MACC1: variants seen among roughly 807,000 people sequenced by gnomAD.
The protein encoded by MACC1 is MET transcriptional regulator MACC1.
MACC1 carries 79 observed loss-of-function variants against 70.7 expected under a neutral mutation model. That is an observed-to-expected ratio of 1.12 (90% CI 0.93 to 1.35). The LOEUF is 1.35. MACC1 is among the 40% of genes most tolerant of loss of function. The pLI is 0.00. For missense variants in MACC1, 1,106 were observed against 978.1 expected (o/e 1.13, Z -1.74); for synonymous variants, 361 against 347.2 (o/e 1.04, Z -0.44).
At chr7:20,199,870 T>A (rs912266833) in intron 1 of MACC1, among the ~76,000 whole-genome samples, 1 of 152,144 alleles carries the variant, frequency 6.6e-6, no homozygotes, top group Non-Finnish European at 1.5e-5. Context: ...AAATGTTCTA[T>A]AAAATGAATC....
At chr7:20,167,704 C>T (rs1782241510) in intron 2 of MACC1, among the ~76,000 whole-genome samples, 1 of 151,892 alleles carries the variant, frequency 6.6e-6, no homozygotes, top group Non-Finnish European at 1.5e-5. Context: ...CACCCTGACC[C>T]TGTTGCTGGA....
intron 1 of MACC1, among the ~76,000 whole-genome samples, chr7:20,177,137 G>C (rs1440537142): frequency 6.7e-6 from 1 of 150,130 alleles, no homozygotes; most frequent in African/African-American, 2.5e-5. Flanking sequence ...CTAGATGGAA[G>C]GTATATAGGA....
intron 1 of MACC1, among the ~76,000 whole-genome samples, chr7:20,205,475 C>T (rs902623683): frequency 6.6e-6 from 1 of 152,016 alleles, no homozygotes; most frequent in Non-Finnish European, 1.5e-5. Context: ...TTCCTAAAAC[C>T]ACTTCATCAC....
rs112850772 is a variant in MACC1, at chr7:20,169,887, C to T, written c.-153+827G>A. Among the ~76,000 whole-genome samples the T allele has an allele frequency of 6.3e-3, 961 of 152,328 alleles. 20 individuals carry two copies. The highest frequency in any genetic ancestry group is 0.022 in the African/African-American group (923 of 41,576). ...CACAAGAGGACCCCTTGCTTTTCCT[C>T]TGGTCTCTCCCTCCTGGTTATTCCA... On this transcript the variant is annotated intron_variant, in intron 2 of 6. Transcript: ENST00000400331.
intron 6 of MACC1, among the ~76,000 whole-genome samples, chr7:20,143,863 G>T (rs1019178159): frequency 1.3e-5 from 2 of 152,110 alleles, no homozygotes; most frequent in South Asian, 2.1e-4. Flanking sequence ...GCCCTAAACC[G>T]ATTTGAGACT....
Position 20,142,153 on chromosome 7 carries a change from GC to G in MACC1, c.2347-996del, listed in dbSNP as rs1010451164. 22 of 152,148 alleles carry G rather than the reference GC, an allele frequency of 1.4e-4. 1 individual carries two copies. Among genetic ancestry groups the G allele is most frequent in the Admixed American group, 8.5e-4 (13 of 15,266 alleles). 9.4% of individuals were successfully genotyped at this position (152,148 alleles called of 1,614,324 possible). A position where few individuals can be genotyped will look rare whatever the true frequency, so the allele number is the denominator to read the frequency against. ...TCCGAGCTAAATATCATGCAGAACT[GC>G]CCTTTTAAAGTAGAACCTCTATCAC... On this transcript the variant is annotated intron_variant, in intron 6 of 6. Transcript: ENST00000400331.
chr7:20,149,541 T>G (rs1358220363), intron 6 of MACC1, among the ~76,000 whole-genome samples: 1 of 152,194 alleles, frequency 6.6e-6, no homozygotes, highest in Non-Finnish European at 1.5e-5. Context: ...GCCCAAGGCT[T>G]GAGGGCTGAT....
intron 1 of MACC1, among the ~76,000 whole-genome samples, chr7:20,209,480 G>A (rs749627458): frequency 4.6e-5 from 7 of 152,222 alleles, no homozygotes; most frequent in East Asian, 1.9e-4. Context: ...GACTTGCATG[G>A]GGCCTAGAGC....
At chr7:20,151,437 T>C (rs1477749198) in intron 6 of MACC1, among the ~76,000 whole-genome samples, 2 of 152,260 alleles carry the variant, frequency 1.3e-5, no homozygotes, top group Non-Finnish European at 2.9e-5. Flanking sequence ...CTTTGTATAG[T>C]GTAAGTGCAT....
At chr7:20,189,576 C>T (rs1337495292) in intron 1 of MACC1, among the ~76,000 whole-genome samples, 1 of 152,114 alleles carries the variant, frequency 6.6e-6, no homozygotes, top group East Asian at 1.9e-4. Context: ...ACATAGTTTG[C>T]CTGAATGGCT....
At chr7:20,164,931 TG>T (rs1393536777) in intron 2 of MACC1, among the ~76,000 whole-genome samples, 5 of 151,586 alleles carry the variant, frequency 3.3e-5, no homozygotes. Flanking sequence ...ATGAGCAATA[TG>T]TACTGAGGAT....
At chr7:20,201,532 T>C (rs1782833389) in intron 1 of MACC1, among the ~76,000 whole-genome samples, 2 of 152,094 alleles carry the variant, frequency 1.3e-5, no homozygotes. Context: ...CATGACATAC[T>C]TATAACACAG....
At chr7:20,216,649 T>A (rs949623482) in intron 1 of MACC1, among the ~76,000 whole-genome samples, 1 of 152,200 alleles carries the variant, frequency 6.6e-6, no homozygotes. Flanking sequence ...AATTGAAACT[T>A]AATTAGGATG....
At chr7:20,188,258 C>A (rs186863276) in intron 1 of MACC1, among the ~76,000 whole-genome samples, 2 of 152,254 alleles carry the variant, frequency 1.3e-5, no homozygotes, top group African/African-American at 4.8e-5. Context: ...CACAGAACTT[C>A]AACCTGGTTC....
Position 20,141,084 on chromosome 7 carries a change from T to C in MACC1, c.2421A>G (p.Leu807=). Residue 807 remains leucine, a synonymous_variant, in exon 7 of 7, where the codon TTA becomes TTG. Coordinates refer to ENST00000400331, the MANE Select transcript of MACC1 (RefSeq NM_182762.4). ...TGTCCAAAGCTGACTGAAGGTCTTG[T>C]AACACATCTCTGTAGTTATTTCCAT... is the stretch of plus-strand genomic sequence containing the variant. The part of the protein sequence containing the change: ...AHYGNNYRDV[L]QDLQSALDRM... 1 of 1,613,766 alleles carries C rather than the reference T, an allele frequency of 6.2e-7. No homozygotes were observed. The highest frequency in any genetic ancestry group is 1.1e-5 in the South Asian group (1 of 91,062).
intron 1 of MACC1, among the ~76,000 whole-genome samples, chr7:20,202,510 G>A (rs989283461): frequency 7.2e-5 from 11 of 152,254 alleles, no homozygotes; most frequent in African/African-American, 2.6e-4. Context: ...ACCTGATCGA[G>A]CTTCTAAAAC....
intron 1 of MACC1, among the ~76,000 whole-genome samples, chr7:20,205,007 G>T (rs1487309420): frequency 6.6e-6 from 1 of 151,986 alleles, no homozygotes; most frequent in African/African-American, 2.4e-5. Flanking sequence ...AGATACCATG[G>T]TTATCAATGA....
intron 1 of MACC1, among the ~76,000 whole-genome samples, chr7:20,186,908 G>C (rs192443014): frequency 6.6e-6 from 1 of 152,114 alleles, no homozygotes; most frequent in African/African-American, 2.4e-5. Context: ...GGAGAGTATA[G>C]TAAGAAGAAA....
intron 1 of MACC1, among the ~76,000 whole-genome samples, chr7:20,182,168 A>C (rs1286914845): frequency 3.9e-5 from 5 of 129,028 alleles, no homozygotes; most frequent in African/African-American, 1.2e-4. Flanking sequence ...AGGAAGGGGA[A>C]CATCACCCAC....
Sources: allele counts gnomAD v4.1 joint callset (sites outside exome capture counted in the v4.1 genomes callset), GRCh38; gene constraint gnomAD v4.1.1; transcripts MANE v1.5; gene names NCBI Gene and HGNC (gene_info 2026-07-23, HGNC 2026-07-21).